The following PLXNA4 variants were observed in gnomAD, a reference collection of about 807,000 sequenced individuals.
The protein encoded by PLXNA4 is plexin-A4.
In PLXNA4, 44 loss-of-function variants were observed where a neutral mutation model predicts 191.8. The ratio of observed to expected loss-of-function variants is 0.23; its 90% confidence interval spans 0.18 to 0.29. The LOEUF (loss-of-function observed/expected upper bound fraction) is 0.29. Ranked by LOEUF, PLXNA4 falls within the 10% of genes least tolerant of loss-of-function variation. The probability of loss-of-function intolerance (pLI) is 1.00; values close to 1 mark genes in which losing one functional copy is unlikely to be tolerated. For missense variants in PLXNA4, 1,800 were observed against 2,488.8 expected (o/e 0.72, Z 5.89); for synonymous variants, 1,082 against 1,009.5 (o/e 1.07, Z -1.36).
chr7:132,139,403 C>T (rs1795202429), intron 30 of PLXNA4, among the ~76,000 whole-genome samples: 3 of 152,212 alleles, frequency 2.0e-5, no homozygotes. Flanking sequence ...AAGTCAAGAA[C>T]ACCTTCTGGA....
chr7:132,461,002 A>G (rs573202566), intron 3 of PLXNA4, among the ~76,000 whole-genome samples: 2 of 152,368 alleles, frequency 1.3e-5, no homozygotes, highest in South Asian at 4.1e-4. Context: ...CCTATGAGAT[A>G]GATTTACCAA....
chr7:132,337,644 C>A (rs1253954515), intron 3 of PLXNA4, among the ~76,000 whole-genome samples: 1 of 152,166 alleles, frequency 6.6e-6, no homozygotes, highest in East Asian at 1.9e-4. Context: ...CTTCCTATTG[C>A]TGAGAAAAGA....
At chr7:132,201,198 TCCCTCACAG>T (rs1364838749) in intron 12 of PLXNA4, among the ~76,000 whole-genome samples, 1 of 152,058 alleles carries the variant, frequency 6.6e-6, no homozygotes, top group Non-Finnish European at 1.5e-5. Context: ...AACAGATGCT[TCCCTCACAG>T]CCCTCAGGAG....
intron 14 of PLXNA4, among the ~76,000 whole-genome samples, chr7:132,190,998 G>A (rs548803664): frequency 8.5e-5 from 13 of 152,286 alleles, no homozygotes; most frequent in East Asian, 5.8e-4. Flanking sequence ...ACTGGGTCCC[G>A]AGCACAACTT....
chr7:132,532,099 G>C (rs1799639642), intron 1 of PLXNA4, among the ~76,000 whole-genome samples: 1 of 152,138 alleles, frequency 6.6e-6, no homozygotes, highest in Non-Finnish European at 1.5e-5. Context: ...GTGTCAACTT[G>C]GCACAACCTC....
chr7:132,168,935 G>A (rs1452603405), intron 21 of PLXNA4, among the ~76,000 whole-genome samples: 2 of 152,160 alleles, frequency 1.3e-5, no homozygotes, highest in Non-Finnish European at 2.9e-5. Flanking sequence ...GGAATTCCAG[G>A]TGCCCAGGGC....
chr7:132,621,061 T>A (rs1296874649), intron 2 of PLXNA4, among the ~76,000 whole-genome samples: 6 of 151,880 alleles, frequency 4.0e-5, no homozygotes, highest in Admixed American at 2.6e-4. Context: ...GTAAATCACA[T>A]CCCAAAGGCC....
At chr7:132,241,272 G>T (rs1321598274) in intron 4 of PLXNA4, 106 bp from the exon 5 acceptor site, 4 of 777,402 alleles carry the variant, frequency 5.1e-6, no homozygotes, top group Non-Finnish European at 8.2e-6. Flanking sequence ...CTGAAATGTT[G>T]CAGGAGCATG....
intron 2 of PLXNA4, among the ~76,000 whole-genome samples, chr7:132,627,528 A>G (rs1803403806): frequency 6.6e-6 from 1 of 152,162 alleles, no homozygotes; most frequent in Non-Finnish European, 1.5e-5. Context: ...ATTTGAATGT[A>G]TATGTCCCAC....
chr7:132,604,316 G>A (rs997081992), intron 2 of PLXNA4, among the ~76,000 whole-genome samples: 2 of 152,168 alleles, frequency 1.3e-5, no homozygotes, highest in Non-Finnish European at 2.9e-5. Context: ...TGGAACAATG[G>A]GAGGAGCTAG....
chr7:132,365,039 C>T (rs571238062), intron 3 of PLXNA4, among the ~76,000 whole-genome samples: 2 of 152,266 alleles, frequency 1.3e-5, no homozygotes, highest in South Asian at 2.1e-4. Context: ...CCCTGACAGA[C>T]GTCCATCCTC....
Position 132,168,293 on chromosome 7 carries a change from T to C in PLXNA4, c.4286+11A>G. 1 of 1,528,450 alleles carries C rather than the reference T, an allele frequency of 6.5e-7. No individual in the cohort carries two copies. Among genetic ancestry groups the C allele is most frequent in the Non-Finnish European group, 8.8e-7 (1 of 1,134,116 alleles). 94.7% of individuals were successfully genotyped at this position (1,528,450 alleles called of 1,614,324 possible). ...TAGGCTGGAGCAGGGTGCCCCAGAC[T>C]GCACCCTCACCTCCTGAGCAGCAGC... On this transcript the variant is annotated intron_variant, in intron 22 of 31. Coordinates refer to ENST00000321063, the MANE Select transcript of PLXNA4 (RefSeq NM_020911.2).
At chr7:132,340,299 A>G (rs889118876) in intron 3 of PLXNA4, among the ~76,000 whole-genome samples, 1 of 152,242 alleles carries the variant, frequency 6.6e-6, no homozygotes, top group African/African-American at 2.4e-5. Flanking sequence ...TAAAAAATCA[A>G]CTTCATGGAC....
intron 2 of PLXNA4, among the ~76,000 whole-genome samples, chr7:132,644,846 C>G (rs557956766): frequency 3.9e-5 from 6 of 152,160 alleles, no homozygotes; most frequent in Non-Finnish European, 7.4e-5. Flanking sequence ...GACCTTGAGA[C>G]AAAAATCTCA....
chr7:132,184,261 A>G (rs1420782525), intron 16 of PLXNA4, among the ~76,000 whole-genome samples: 3 of 152,182 alleles, frequency 2.0e-5, no homozygotes, highest in Non-Finnish European at 2.9e-5. Context: ...GTGCATGTGC[A>G]TCTCACTTCA....
intron 1 of PLXNA4, among the ~76,000 whole-genome samples, chr7:132,568,953 T>G (rs574340819): frequency 6.6e-6 from 1 of 152,364 alleles, no homozygotes; most frequent in African/African-American, 2.4e-5. Flanking sequence ...GCTGGGCTCC[T>G]GCAGGGGTAA....
At chr7:132,499,773 G>A (rs192671605) in intron 2 of PLXNA4, among the ~76,000 whole-genome samples, 38 of 152,196 alleles carry the variant, frequency 2.5e-4, no homozygotes, top group South Asian at 8.3e-4. Flanking sequence ...CTTGCTCCTC[G>A]GGTCTAGGTG....
chr7:132,283,123 G>A (rs537293093), intron 4 of PLXNA4, among the ~76,000 whole-genome samples: 2 of 152,008 alleles, frequency 1.3e-5, no homozygotes, highest in Admixed American at 6.6e-5. Flanking sequence ...CACTGGCCTC[G>A]GCCTCCGAGA....
intron 3 of PLXNA4, among the ~76,000 whole-genome samples, chr7:132,360,731 C>T (rs1366783928): frequency 2.6e-5 from 4 of 152,190 alleles, no homozygotes; most frequent in Non-Finnish European, 4.4e-5. Flanking sequence ...GGCACAGAGG[C>T]CTGCGTGCTT....
Sources: gnomAD v4.1 joint callset for allele counts (sites outside exome capture counted in the v4.1 genomes callset) on GRCh38, gnomAD v4.1.1 for gene constraint, MANE v1.5 for transcripts, NCBI Gene and HGNC (gene_info 2026-07-23, HGNC 2026-07-21) for gene names.